Variants in TAB3 observed in about 807,000 individuals in gnomAD.
TAB3 encodes TGF-beta activated kinase 1 (MAP3K7) binding protein 3.
A neutral mutation model predicts 48.1 loss-of-function variants in TAB3; 18 were observed. The ratio of observed to expected loss-of-function variants is 0.37; its 90% CI spans 0.26 to 0.55. TAB3 has a LOEUF of 0.55. Among genes scored for constraint, TAB3 ranks in the 20% least tolerant of loss-of-function variants. TAB3 has a pLI of 0.78. For missense variants in TAB3, 414 were observed against 549.8 expected (o/e 0.75, Z 2.47); for synonymous variants, 185 against 190.2 (o/e 0.97, Z 0.22).
Position 30,852,769 on chromosome X carries a change from A to T in TAB3, c.1710+9T>A, listed in dbSNP as rs1477689915. On this transcript the variant is annotated intron_variant, in intron 7 of 10. Coordinates refer to ENST00000288422, the MANE Select transcript of TAB3 (RefSeq NM_152787.5). ...CCCTCCTATTAACACATCCTAACAG[A>T]TCACTTACCGTAGGGATCGCAGTGG... 1 of 1,206,351 alleles carries T rather than the reference A, an allele frequency of 8.3e-7. No individual in the cohort carries two copies. Among genetic ancestry groups the T allele is most frequent in the African/African-American group, 1.8e-5 (1 of 57,077 alleles).
chrX:30,858,464 G>A lies in TAB3; in HGVS notation c.102+1023C>T, dbSNP rs187757041. Among the ~76,000 whole-genome samples the A allele has an allele frequency of 2.1e-3, 232 of 111,982 alleles. 1 individual carries two copies. The highest frequency in any genetic ancestry group is 2.4e-3 in the Non-Finnish European group (128 of 53,159). On this transcript the variant is annotated intron_variant, in intron 5 of 10. Transcript: ENST00000288422. ...ACCATAAGCCCAAAGCTCTAGACTA[G>A]TAAAGGGCTTGCAAACAAAGGAAGC...
At chrX:30,852,281 C>T (rs1001209917) in intron 7 of TAB3, among the ~76,000 whole-genome samples, 6 of 112,085 alleles carry the variant, frequency 5.4e-5, no homozygotes, top group African/African-American at 1.9e-4. Context: ...TCAGTTTCTA[C>T]AATTATTTAT....
intron 4 of TAB3, among the ~76,000 whole-genome samples, chrX:30,865,168 A>G (rs889151844): frequency 8.9e-6 from 1 of 112,110 alleles, no homozygotes; most frequent in Non-Finnish European, 1.9e-5. Flanking sequence ...GTCATGCAAG[A>G]CTATCCCAGG....
At chrX:30,872,376 TTG>T (rs1291721132) in intron 1 of TAB3, among the ~76,000 whole-genome samples, 6 of 111,419 alleles carry the variant, frequency 5.4e-5, no homozygotes, top group African/African-American at 2.0e-4. Flanking sequence ...TTCTGTTTTT[TTG>T]TTTGTTTTTC....
chrX:30,857,613 C>T (rs1390961358), intron 5 of TAB3, among the ~76,000 whole-genome samples: 6 of 110,705 alleles, frequency 5.4e-5, no homozygotes, highest in Non-Finnish European at 1.1e-4. Context: ...GACCCAAATT[C>T]AAAATGATAT....
intron 8 of TAB3, chrX:30,844,965 GCA>G (rs1310432507): frequency 6.2e-5 from 7 of 112,396 alleles, no homozygotes; most frequent in African/African-American, 1.9e-4. Flanking sequence ...GGGATCACAG[GCA>G]CACACCACCA....
rs1433369740 is a variant in TAB3, at chrX:30,831,584, G to A, written c.1991-9C>T. The A allele has an allele frequency of 1.7e-6, 2 of 1,208,122 alleles. No individual in the cohort carries two copies. Among genetic ancestry groups the A allele is most frequent in the East Asian group, 5.9e-5 (2 of 33,767 alleles). ...GGAGCCAGTTCGATGCTCTGAGGGA[G>A]GTTAGGATTAAGGGGGAGGGGGAAG... is the stretch of plus-strand genomic sequence containing the variant. On this transcript the variant is annotated splice_polypyrimidine_tract_variant and intron_variant, in intron 10 of 10. Transcript: ENST00000288422.
rs189804172 is a variant in TAB3 at position 30,873,939 on chromosome X, C to A, written c.-382-2138G>T. On this transcript the variant is annotated intron_variant, in intron 1 of 10. Coordinates refer to ENST00000288422, the MANE Select transcript of TAB3 (RefSeq NM_152787.5). Reference sequence around the variant, plus strand: ...CTGTAATCCTAGTACTTTGGGAAGGCAAGGCGGGAGGATCCCTTGATCCCA... The same window carrying A: ...CTGTAATCCTAGTACTTTGGGAAGGAAAGGCGGGAGGATCCCTTGATCCCA... Among the ~76,000 whole-genome samples the A allele has an allele frequency of 5.7e-4, 63 of 111,207 alleles. 1 individual carries two copies. Among genetic ancestry groups the A allele is most frequent in the African/African-American group, 2.0e-3 (60 of 30,553 alleles).
intron 7 of TAB3, among the ~76,000 whole-genome samples, chrX:30,851,145 C>T (rs1337305722): frequency 8.9e-6 from 1 of 112,153 alleles, no homozygotes; most frequent in Non-Finnish European, 1.9e-5. Flanking sequence ...TTTTCCAGTG[C>T]TTTAAGTAGT....
At chrX:30,869,477 AC>A (rs767219220) in intron 2 of TAB3, among the ~76,000 whole-genome samples, 1 of 112,417 alleles carries the variant, frequency 8.9e-6, no homozygotes, top group East Asian at 2.8e-4. Context: ...CACTTTCAGC[AC>A]TTAGTATATT....
chrX:30,858,069 T>C (rs767105642), intron 5 of TAB3, among the ~76,000 whole-genome samples: 1 of 111,903 alleles, frequency 8.9e-6, no homozygotes, highest in East Asian at 2.8e-4. Flanking sequence ...TAAATCTCCA[T>C]ACCAATATAT....
intron 1 of TAB3, among the ~76,000 whole-genome samples, chrX:30,885,766 C>G (rs1325386095): frequency 1.8e-5 from 2 of 111,885 alleles, no homozygotes; most frequent in South Asian, 7.5e-4. Flanking sequence ...AGGGTCTTGA[C>G]AGTGCCTCCC....
intron 10 of TAB3, among the ~76,000 whole-genome samples, chrX:30,832,742 T>C (rs963141052): frequency 9.0e-6 from 1 of 111,574 alleles, no homozygotes; most frequent in African/African-American, 3.3e-5. Flanking sequence ...CCTTAGGATA[T>C]AACAGAAAAT....
chrX:30,873,524 CAAAAA>C (rs61644834), intron 1 of TAB3, among the ~76,000 whole-genome samples: 1 of 50,629 alleles, frequency 2.0e-5, no homozygotes, highest in African/African-American at 7.0e-5. Flanking sequence ...GACTCCGTCT[CAAAAA>C]AAAAAAAAAA....
intron 1 of TAB3, among the ~76,000 whole-genome samples, chrX:30,879,579 A>G (rs897730628): frequency 8.9e-6 from 1 of 111,885 alleles, no homozygotes; most frequent in Non-Finnish European, 1.9e-5. Context: ...CTAATAAACT[A>G]AGGACAGAAT....
rs763783170 is a variant in TAB3, at chrX:30,864,738, G to T, written c.-91+2377C>A. On this transcript the variant is annotated intron_variant, in intron 4 of 10. Coordinates refer to ENST00000288422, the MANE Select transcript of TAB3 (RefSeq NM_152787.5). ...TTATATCAGAGGTTGCAAACCAATGGTCTGTGGAATGAATTCAGCCCACAG... is the reference window on the plus strand; with the variant it reads ...TTATATCAGAGGTTGCAAACCAATGTTCTGTGGAATGAATTCAGCCCACAG... Among the ~76,000 whole-genome samples the T allele has an allele frequency of 3.6e-5, 4 of 111,894 alleles. No homozygotes were observed. In the South Asian group the frequency reaches 1.5e-3, roughly 41 times the overall value.
chrX:30,887,186 G>C (rs1940156100), intron 1 of TAB3, among the ~76,000 whole-genome samples: 1 of 111,031 alleles, frequency 9.0e-6, no homozygotes, highest in Non-Finnish European at 1.9e-5. Context: ...ATACTATTCA[G>C]GACTAGAATA....
chrX:30,873,519 C>T (rs1324783925), intron 1 of TAB3, among the ~76,000 whole-genome samples: 9 of 96,833 alleles, frequency 9.3e-5, no homozygotes, highest in African/African-American at 3.5e-4. Flanking sequence ...AACGAGACTC[C>T]GTCTCAAAAA....
At chrX:30,846,124 A>G (rs1324031362) in intron 8 of TAB3, 6 of 841,592 alleles carry the variant, frequency 7.1e-6, no homozygotes, top group East Asian at 8.1e-5. Flanking sequence ...ATGTTTTCAC[A>G]TAACATAACA....
Sources: allele counts gnomAD v4.1 joint callset (sites outside exome capture counted in the v4.1 genomes callset), GRCh38; gene constraint gnomAD v4.1.1; transcripts MANE v1.5; gene names NCBI Gene and HGNC (gene_info 2026-07-23, HGNC 2026-07-21).